The following NDUFA5 variants were observed in gnomAD, a reference collection of about 807,000 sequenced individuals.
NDUFA5 encodes the protein NADH:ubiquinone oxidoreductase subunit A5, also known as NADH dehydrogenase [ubiquinone] 1 alpha subcomplex subunit 5.
A neutral mutation model predicts 19.8 loss-of-function variants in NDUFA5; 11 were observed. The ratio of observed to expected loss-of-function variants is 0.56; its 90% CI spans 0.35 to 0.92. NDUFA5 has a LOEUF of 0.92. Ranked by LOEUF, NDUFA5 falls within the 40% of genes least tolerant of loss-of-function variation. The pLI is 0.01. For synonymous variants in NDUFA5, 47 were observed against 46.8 expected, an observed-to-expected ratio of 1.00 and a Z score of -0.01; for missense variants, 109 against 134.2, an observed-to-expected ratio of 0.81 and a Z score of 0.93.
At chr7:123,553,039 A>G (rs547275666) in intron 2 of NDUFA5, among the ~76,000 whole-genome samples, 1 of 152,296 alleles carries the variant, frequency 6.6e-6, no homozygotes, top group African/African-American at 2.4e-5. Flanking sequence ...ACCACCACGC[A>G]ACACCAGCCC....
rs1797817624 is a variant in NDUFA5 at position 123,538,415 on chromosome 7, G to T, written c.*3704C>A. On this transcript the variant is annotated 3_prime_UTR_variant, in exon 5 of 5. Transcript: ENST00000355749. ...TCAAACCCCTTATCACATTCCCACT[G>T]TGATTTCCTGTGAATTTTGTCTAAA... 6.6e-6 allele frequency: 1 copy of T among 152,120 alleles called. No individual in the cohort carries two copies. The highest frequency in any genetic ancestry group is 2.1e-4 in the South Asian group (1 of 4,836). 9.4% of individuals were successfully genotyped at this position (152,120 alleles called of 1,614,324 possible).
At chr7:123,571,499 T>A in the NDUFA5 span, among the ~76,000 whole-genome samples, 1 of 152,218 alleles carries the variant, frequency 6.6e-6, no homozygotes, top group South Asian at 2.1e-4. Flanking sequence ...CAAACAATTT[T>A]AAAAATAGAA....
At chr7:123,591,075 T>C in the NDUFA5 span, among the ~76,000 whole-genome samples, 1 of 152,108 alleles carries the variant, frequency 6.6e-6, no homozygotes, top group Non-Finnish European at 1.5e-5. Flanking sequence ...TAAATGGGAG[T>C]TCACTCATAA....
chr7:123,597,729 G>A, the NDUFA5 span, among the ~76,000 whole-genome samples: 4 of 152,094 alleles, frequency 2.6e-5, no homozygotes, highest in African/African-American at 9.7e-5. Context: ...TACGCGGGAG[G>A]CTGAGGCAGG....
At position 123,551,558 on chromosome 7, in the gene NDUFA5, A is replaced by G. The variant is rs998704231; in HGVS notation, c.67-972T>C. ...GAAGCACTGCAAATTTTTTTTTTTA[A>G]TTTTTCTTATTTGAATTTCTGTAGA... On this transcript the variant is annotated intron_variant, in intron 2 of 4. Transcript: ENST00000355749. 4 of 924,302 alleles carry G rather than the reference A, an allele frequency of 4.3e-6. No homozygotes were observed. In the African/African-American group the frequency reaches 7.2e-5, roughly 17 times the overall value. 57.3% of individuals were successfully genotyped at this position (924,302 alleles called of 1,614,324 possible). A position where few individuals can be genotyped will look rare whatever the true frequency, so the allele number is the denominator to read the frequency against.
intron 2 of NDUFA5, 47 bp downstream of exon 2, chr7:123,557,357 A>T (rs1254514924): frequency 6.2e-7 from 1 of 1,611,854 alleles, no homozygotes; most frequent in African/African-American, 1.3e-5. Context: ...ACAGGAATTT[A>T]GTCTTCCTTG....
chr7:123,540,949 CCCA>C lies in NDUFA5; in HGVS notation c.*1167_*1169del, dbSNP rs1275897895. The C allele has an allele frequency of 6.7e-6, 1 of 150,372 alleles. No homozygotes were observed. Among genetic ancestry groups the C allele is most frequent in the Non-Finnish European group, 1.5e-5 (1 of 67,860 alleles). The allele number at this position is 150,372 out of a possible 1,614,324, so 9.3% of individuals were successfully genotyped here. On this transcript the variant is annotated 3_prime_UTR_variant, in exon 5 of 5. Transcript: ENST00000355749. ...ACACACACACACGTATACACAAAACCCCACAAGAGTATAGTACTATCTATGAAG... is the reference window on the plus strand; with the variant it reads ...ACACACACACACGTATACACAAAACCCAAGAGTATAGTACTATCTATGAAG...
chr7:123,543,067 A>G (rs1190862427), intron 4 of NDUFA5, among the ~76,000 whole-genome samples: 2 of 152,238 alleles, frequency 1.3e-5, no homozygotes, highest in Admixed American at 1.3e-4. Context: ...ATAATACCCC[A>G]TCTATGACAG....
chr7:123,559,980 A>C (rs1247152313), upstream of NDUFA5, among the ~76,000 whole-genome samples: 1 of 152,186 alleles, frequency 6.6e-6, no homozygotes, highest in Non-Finnish European at 1.5e-5. Flanking sequence ...TATGAAAAAA[A>C]AATTATACAC....
At chr7:123,569,455 G>A in the NDUFA5 span, among the ~76,000 whole-genome samples, 1 of 152,180 alleles carries the variant, frequency 6.6e-6, no homozygotes, top group Admixed American at 6.5e-5. Flanking sequence ...GGTGTGGGTG[G>A]TGGTGTGTGA....
rs1798105172 is a variant in NDUFA5, at chr7:123,545,651, T to C, written c.209A>G (p.Asp70Gly). ...KAEPDVKKLE[D>G]QLQGGQLEEV... Reference sequence around the variant, plus strand: ...TTCTAATTGACCGCCTTGAAGTTGGTCTTCTAATTTTTTAACATCTGGTTC... The same window carrying C: ...TTCTAATTGACCGCCTTGAAGTTGGCCTTCTAATTTTTTAACATCTGGTTC... Residue 70 changes from aspartate (D) to glycine (G), a missense_variant, in exon 4 of 5, where the codon GAC becomes GGC. Physicochemically the swap from Asp to Gly is moderately conservative, Grantham distance 94. Transcript: ENST00000355749. The C allele has an allele frequency of 1.2e-6, 2 of 1,609,976 alleles. No homozygotes were observed. Among genetic ancestry groups the C allele is most frequent in the Non-Finnish European group, 1.7e-6 (2 of 1,178,700 alleles).
At chr7:123,558,856 A>G (rs1426887954), upstream of NDUFA5, among the ~76,000 whole-genome samples, 8 of 152,176 alleles carry the variant, frequency 5.3e-5, no homozygotes. Flanking sequence ...TTTCAGATAT[A>G]CAAACAACTT....
the NDUFA5 span, among the ~76,000 whole-genome samples, chr7:123,564,018 T>C: frequency 6.6e-6 from 1 of 152,308 alleles, no homozygotes; most frequent in East Asian, 1.9e-4. Context: ...TCTATACTTC[T>C]GAATAACAAG....
At chr7:123,601,412 CAAG>C in the NDUFA5 span, among the ~76,000 whole-genome samples, 1 of 151,970 alleles carries the variant, frequency 6.6e-6, no homozygotes, top group African/African-American at 2.4e-5. Context: ...ATTAGTATGA[CAAG>C]AAGATTGTAT....
intron 4 of NDUFA5, among the ~76,000 whole-genome samples, chr7:123,544,427 G>A (rs1207271445): frequency 1.3e-5 from 2 of 151,220 alleles, no homozygotes; most frequent in Non-Finnish European, 2.9e-5. Context: ...GAACCCGGGA[G>A]GCGGAGGTTG....
At chr7:123,547,888 C>T (rs76410975) in intron 3 of NDUFA5, among the ~76,000 whole-genome samples, 1 of 152,000 alleles carries the variant, frequency 6.6e-6, no homozygotes, top group Admixed American at 6.6e-5. Flanking sequence ...CTATGTTAAG[C>T]TTTTACGTGC....
rs766305834 is a variant in NDUFA5 at position 123,540,890 on chromosome 7, G to GCGCGCGCGCGCGCGCA, written c.*1228_*1229insTGCGCGCGCGCGCGCG. On this transcript the variant is annotated 3_prime_UTR_variant, in exon 5 of 5. Transcript: ENST00000355749. Reference sequence around the variant, plus strand: ...TCTGAGCAAATGTGCGCATGCGCGTGCACACACACACACACACACACACAC... The same window carrying GCGCGCGCGCGCGCGCA: ...TCTGAGCAAATGTGCGCATGCGCGTGCGCGCGCGCGCGCGCACACACACACACACACACACACACAC... 54 of 133,906 alleles carry GCGCGCGCGCGCGCGCA rather than the reference G, an allele frequency of 4.0e-4. No homozygotes were observed. Among genetic ancestry groups the GCGCGCGCGCGCGCGCA allele is most frequent in the African/African-American group, 1.5e-3 (51 of 33,892 alleles). 8.3% of individuals were successfully genotyped at this position (133,906 alleles called of 1,614,324 possible). A position where few individuals can be genotyped will look rare whatever the true frequency, so the allele number is the denominator to read the frequency against.
chr7:123,593,061 A>G, the NDUFA5 span, among the ~76,000 whole-genome samples: 1 of 151,210 alleles, frequency 6.6e-6, no homozygotes, highest in African/African-American at 2.4e-5. Flanking sequence ...TGTTGGTTTA[A>G]AGTTTGTTTT....
At chr7:123,599,441 A>G in the NDUFA5 span, among the ~76,000 whole-genome samples, 1 of 152,218 alleles carries the variant, frequency 6.6e-6, no homozygotes, top group Admixed American at 6.5e-5. Flanking sequence ...GGTAGATGGG[A>G]TTGTATGACT....
Sources: gnomAD v4.1 joint callset for allele counts (sites outside exome capture counted in the v4.1 genomes callset) on GRCh38, gnomAD v4.1.1 for gene constraint, MANE v1.5 for transcripts, NCBI Gene and HGNC (gene_info 2026-07-23, HGNC 2026-07-21) for gene names.